Variants in STK32B observed in about 807,000 individuals in gnomAD.
STK32B encodes serine/threonine-protein kinase 32B.
STK32B carries 43 observed loss-of-function variants against 52.6 expected under a neutral mutation model. The observed-to-expected ratio is 0.82, with a 90% confidence interval of 0.64 to 1.05. The LOEUF is 1.05. Ranked by LOEUF, STK32B falls within the 50% of genes least tolerant of loss-of-function variation. STK32B has a pLI of 0.00. For missense variants in STK32B, 621 were observed against 534.6 expected (o/e 1.16, Z -1.59); for synonymous variants, 238 against 204.3 (o/e 1.17, Z -1.41).
chr4:5,499,475 C>T lies in STK32B; in HGVS notation c.*392C>T, dbSNP rs1039767056. 7 of 169,672 alleles carry T rather than the reference C, an allele frequency of 4.1e-5. No individual in the cohort carries two copies. The highest frequency in any genetic ancestry group is 2.0e-4 in the South Asian group (1 of 4,998). The allele number at this position is 169,672 out of a possible 1,614,324, so 10.5% of individuals were successfully genotyped here. ...CCCCCATTCCCCAAAGCAATCAAAC[C>T]GTCATGACTTTGCAATTTGGCACAT... On this transcript the variant is annotated 3_prime_UTR_variant, in exon 12 of 12. Coordinates refer to ENST00000282908, the MANE Select transcript of STK32B (RefSeq NM_018401.3).
the STK32B span, among the ~76,000 whole-genome samples, chr4:5,043,017 A>G: frequency 0.21 from 31,083 of 150,484 alleles, 3,384 homozygotes; most frequent in Middle Eastern, 0.28. Context: ...GAGGCAGGAG[A>G]ATGGCGTGAA....
At chr4:5,391,993 C>T (rs1736621234) in intron 4 of STK32B, among the ~76,000 whole-genome samples, 6 of 152,036 alleles carry the variant, frequency 3.9e-5, no homozygotes. Context: ...CACCACAGGG[C>T]CATTAGGAGG....
chr4:5,190,225 A>G (rs17677074), intron 3 of STK32B, among the ~76,000 whole-genome samples: 14,958 of 152,226 alleles, frequency 0.098, 875 homozygotes, highest in Non-Finnish European at 0.13. Flanking sequence ...GAAGGAAAGG[A>G]AGTAACCTTG....
chr4:5,489,242 T>G (rs1264370487), intron 11 of STK32B, among the ~76,000 whole-genome samples: 1 of 152,192 alleles, frequency 6.6e-6, no homozygotes, highest in East Asian at 1.9e-4. Flanking sequence ...TTACCTAAAT[T>G]ACCTATGAGA....
upstream of STK32B, among the ~76,000 whole-genome samples, chr4:5,051,196 T>C (rs1741757662): frequency 6.6e-6 from 1 of 152,244 alleles, no homozygotes; most frequent in East Asian, 1.9e-4. Context: ...AGAGCCCCTC[T>C]ACCTCTAGAC....
intron 3 of STK32B, among the ~76,000 whole-genome samples, chr4:5,316,885 T>TG (rs1730914234): frequency 1.2e-4 from 1 of 8,182 alleles, no homozygotes; most frequent in Non-Finnish European, 1.6e-4. Flanking sequence ...TAATATATTA[T>TG]ATATATTATA....
intron 3 of STK32B, among the ~76,000 whole-genome samples, chr4:5,289,089 G>A (rs28821016): frequency 0.073 from 11,112 of 152,168 alleles, 438 homozygotes; most frequent in South Asian, 0.099. Context: ...GAGTATACTT[G>A]CACAAATTTT....
chr4:5,130,659 G>A (rs1044943722), intron 1 of STK32B, among the ~76,000 whole-genome samples: 2 of 152,114 alleles, frequency 1.3e-5, no homozygotes, highest in Non-Finnish European at 2.9e-5. Context: ...GCATTGGAGA[G>A]CAACTTGGTA....
At chr4:5,303,815 C>G (rs1299341213) in intron 3 of STK32B, among the ~76,000 whole-genome samples, 1 of 152,068 alleles carries the variant, frequency 6.6e-6, no homozygotes, top group East Asian at 1.9e-4. Flanking sequence ...AGTTTCAGGT[C>G]TTAGATTTAA....
chr4:5,428,406 T>TA (rs1264144134), intron 6 of STK32B, among the ~76,000 whole-genome samples: 7 of 151,744 alleles, frequency 4.6e-5, no homozygotes, highest in South Asian at 4.2e-4. Flanking sequence ...AGACTCTGTC[T>TA]AAAAAAAACA....
intron 4 of STK32B, among the ~76,000 whole-genome samples, chr4:5,366,975 G>A (rs1560356518): frequency 6.6e-6 from 1 of 152,148 alleles, no homozygotes; most frequent in Non-Finnish European, 1.5e-5. Context: ...GAAAAGTTAA[G>A]TAGGTTGTAG....
At chr4:5,336,703 C>T (rs543275552) in intron 4 of STK32B, among the ~76,000 whole-genome samples, 3 of 151,894 alleles carry the variant, frequency 2.0e-5, no homozygotes, top group East Asian at 1.9e-4. Flanking sequence ...AAAGAAAATA[C>T]GAGACAAAGC....
chr4:5,391,346 A>G (rs1307897283), intron 4 of STK32B, among the ~76,000 whole-genome samples: 1 of 152,188 alleles, frequency 6.6e-6, no homozygotes, highest in African/African-American at 2.4e-5. Flanking sequence ...TAGATGCAAG[A>G]CAGAACTACC....
chr4:5,200,704 A>C (rs527661463), intron 3 of STK32B, among the ~76,000 whole-genome samples: 5 of 152,178 alleles, frequency 3.3e-5, no homozygotes, highest in Admixed American at 6.5e-5. Flanking sequence ...GGATCCAGGG[A>C]CCCAGATGTA....
chr4:5,341,855 T>A (rs1295987586), intron 4 of STK32B, among the ~76,000 whole-genome samples: 1 of 152,124 alleles, frequency 6.6e-6, no homozygotes. Flanking sequence ...TACACTTTTT[T>A]TTAAAAATAC....
rs118021595 is a variant in STK32B, at chr4:5,360,312, A to G, written c.434+28919A>G. Among the ~76,000 whole-genome samples the G allele has an allele frequency of 1.5e-3, 227 of 152,232 alleles. 4 individuals are homozygous for G. In the East Asian group the frequency reaches 0.035, roughly 24 times the overall value. On this transcript the variant is annotated intron_variant, in intron 4 of 11. Coordinates refer to ENST00000282908, the MANE Select transcript of STK32B (RefSeq NM_018401.3). Reference sequence around the variant, plus strand: ...AAAAGCACTCCATGGGGGCAGAACCATGCCAGCCTTCAAAGTACTCCATGC... The same window carrying G: ...AAAAGCACTCCATGGGGGCAGAACCGTGCCAGCCTTCAAAGTACTCCATGC...
At chr4:5,240,266 G>A (rs887105179) in intron 3 of STK32B, among the ~76,000 whole-genome samples, 2 of 151,286 alleles carry the variant, frequency 1.3e-5, no homozygotes, top group East Asian at 1.9e-4. Context: ...ACCAATTGAT[G>A]TTTTCCCGCC....
At chr4:5,385,792 C>T (rs1736209274) in intron 4 of STK32B, among the ~76,000 whole-genome samples, 1 of 152,048 alleles carries the variant, frequency 6.6e-6, no homozygotes, top group Admixed American at 6.5e-5. Context: ...CACACACACC[C>T]TCAACACACA....
intron 1 of STK32B, among the ~76,000 whole-genome samples, chr4:5,073,765 T>G (rs939954695): frequency 5.3e-5 from 8 of 152,074 alleles, no homozygotes; most frequent in African/African-American, 1.9e-4. Flanking sequence ...TCAGTTGACT[T>G]TTTTATTTAT....
Sources: allele counts gnomAD v4.1 joint callset (sites outside exome capture counted in the v4.1 genomes callset), GRCh38; gene constraint gnomAD v4.1.1; transcripts MANE v1.5; gene names NCBI Gene and HGNC (gene_info 2026-07-23, HGNC 2026-07-21).